The following FBXO11 variants were observed in gnomAD, a reference collection of about 807,000 sequenced individuals.
FBXO11 encodes F-box protein 11.
A neutral mutation model predicts 117.0 loss-of-function variants in FBXO11; 13 were observed. The observed-to-expected ratio is 0.11, with a 90% CI of 0.07 to 0.18. The LOEUF (loss-of-function observed/expected upper bound fraction) is 0.18, where lower values mean the gene tolerates loss of function less well. Among genes scored for constraint, FBXO11 ranks in the 10% least tolerant of loss-of-function variants. The probability of loss-of-function intolerance (pLI) is 1.00; values close to 1 mark genes in which losing one functional copy is unlikely to be tolerated. For synonymous variants in FBXO11, 490 were observed against 380.5 expected (o/e 1.29, Z -3.35); for missense variants, 767 against 1,164.4 (o/e 0.66, Z 4.97).
chr2:47,834,320 A>T (rs1672400614), intron 7 of FBXO11, among the ~76,000 whole-genome samples: 1 of 152,228 alleles, frequency 6.6e-6, no homozygotes, highest in Non-Finnish European at 1.5e-5. Flanking sequence ...ACTGCACTCT[A>T]GCCTGAGTGA....
At chr2:47,826,240 G>T (rs548516504) in intron 11 of FBXO11, among the ~76,000 whole-genome samples, 77 of 151,956 alleles carry the variant, frequency 5.1e-4, no homozygotes, top group African/African-American at 1.7e-3. Context: ...TGTATTTTTA[G>T]TAGAGACAGG....
chr2:47,891,734 C>A (rs1286666741), intron 1 of FBXO11, among the ~76,000 whole-genome samples: 1 of 152,164 alleles, frequency 6.6e-6, no homozygotes, highest in Non-Finnish European at 1.5e-5. Flanking sequence ...TGCATTTCTA[C>A]CAACAGTGTA....
At chr2:47,808,484 C>T (rs567295575) in intron 21 of FBXO11, 57 bp from the exon 22 acceptor site, 2 of 1,439,474 alleles carry the variant, frequency 1.4e-6, no homozygotes, top group African/African-American at 1.4e-5. Flanking sequence ...GCAAAACATT[C>T]CATTCTGTTT....
Position 47,825,330 on chromosome 2 carries a change from A to G in FBXO11, c.1399-1970T>C, listed in dbSNP as rs954977106. Among the ~76,000 whole-genome samples the G allele has an allele frequency of 3.9e-5, 6 of 152,276 alleles. No individual in the cohort carries two copies. In the East Asian group the frequency reaches 1.2e-3, roughly 29 times the overall value. ...TATAAAAGATAGCGTCTTCAAATAT[A>G]AAACTTTTTCTTTGATTTTATACAG... is the stretch of plus-strand genomic sequence containing the variant. On this transcript the variant is annotated intron_variant, in intron 11 of 22. Coordinates refer to ENST00000403359, the MANE Select transcript of FBXO11 (RefSeq NM_001190274.2).
In FBXO11 at chr2:47,879,616, C is replaced by T. The variant is rs894041566; in HGVS notation, c.232+25873G>A. On this transcript the variant is annotated intron_variant, in intron 1 of 22. Coordinates refer to ENST00000403359, the MANE Select transcript of FBXO11 (RefSeq NM_001190274.2). ...CAAGATCTTTTTGTTATCAAGTTTCCAAGTACTTACTGCATGTATATCAGG... is the reference window on the plus strand; with the variant it reads ...CAAGATCTTTTTGTTATCAAGTTTCTAAGTACTTACTGCATGTATATCAGG... Among the ~76,000 whole-genome samples, 6 of 152,112 alleles carry T rather than the reference C, an allele frequency of 3.9e-5. No homozygotes were observed. In the South Asian group the frequency reaches 1.2e-3, roughly 32 times the overall value.
At chr2:47,866,088 AC>A (rs1675171340) in intron 1 of FBXO11, among the ~76,000 whole-genome samples, 1 of 151,758 alleles carries the variant, frequency 6.6e-6, no homozygotes, top group African/African-American at 2.4e-5. Context: ...TCCCATCTCT[AC>A]CGAAAAAAAA....
At chr2:47,813,128 G>A (rs1670741170) in intron 18 of FBXO11, 106 bp downstream of exon 18, 2 of 1,142,012 alleles carry the variant, frequency 1.8e-6, no homozygotes, top group Non-Finnish European at 2.7e-6. Flanking sequence ...AAAAAGACTT[G>A]AGATTCACTC....
intron 13 of FBXO11, 71 bp from the exon 14 acceptor site, chr2:47,820,527 G>C: frequency 1.7e-6 from 2 of 1,173,232 alleles, no homozygotes; most frequent in Non-Finnish European, 2.5e-6. Context: ...TTTACATTAG[G>C]TAGTGGTTAA....
intron 1 of FBXO11, among the ~76,000 whole-genome samples, chr2:47,865,046 T>C (rs1289620293): frequency 2.0e-5 from 3 of 152,208 alleles, no homozygotes; most frequent in Non-Finnish European, 4.4e-5. Flanking sequence ...CTGAACTGTT[T>C]CCTGTTTCCA....
chr2:47,835,921 G>C lies in FBXO11; in HGVS notation c.668C>G (p.Pro223Arg). 6.2e-7 allele frequency: 1 copy of C among 1,611,294 alleles called. No individual in the cohort carries two copies. Among genetic ancestry groups the C allele is most frequent in the Non-Finnish European group, 8.5e-7 (1 of 1,177,754 alleles). The change falls in exon 5 of 23, where the codon CCA (proline) becomes CGA (arginine). Residue 223 changes from proline (P) to arginine (R), a missense_variant. Pro to Arg is a moderately radical substitution (Grantham distance 103, BLOSUM62 -2). Around this residue, in one of 10 missense-constraint regions of FBXO11, gnomAD observed 355 missense variants for 299.8 expected, o/e 1.18. Transcript: ENST00000403359. ...PEPGKFYQIN[P>R]EEYEHPNPWK... ...GGGATTTGGATGTTCATACTCTTCTGGATTAATCTGGTAGAATTTTCCAGG... is the reference window on the plus strand; with the variant it reads ...GGGATTTGGATGTTCATACTCTTCTCGATTAATCTGGTAGAATTTTCCAGG...
intron 1 of FBXO11, among the ~76,000 whole-genome samples, chr2:47,840,573 C>A (rs1672940590): frequency 6.6e-6 from 1 of 150,608 alleles, no homozygotes; most frequent in Non-Finnish European, 1.5e-5. Flanking sequence ...GCCTCAGTAT[C>A]CCAAGCAGCT....
intron 1 of FBXO11, among the ~76,000 whole-genome samples, chr2:47,880,726 T>C (rs1311814592): frequency 2.0e-5 from 3 of 152,194 alleles, no homozygotes; most frequent in African/African-American, 2.4e-5. Flanking sequence ...TGCCACTCTT[T>C]ATTGTTTTTT....
chr2:47,877,567 A>C (rs1348937622), intron 1 of FBXO11, among the ~76,000 whole-genome samples: 1 of 152,088 alleles, frequency 6.6e-6, no homozygotes, highest in African/African-American at 2.4e-5. Flanking sequence ...TGGCAGGTTC[A>C]TTGTAACTCT....
At chr2:47,875,643 C>T (rs1296863086) in intron 1 of FBXO11, among the ~76,000 whole-genome samples, 2 of 151,966 alleles carry the variant, frequency 1.3e-5, no homozygotes, top group African/African-American at 4.8e-5. Context: ...CTAATGGACT[C>T]ATATGGTAAC....
intron 4 of FBXO11, among the ~76,000 whole-genome samples, chr2:47,838,033 CTGAG>C (rs1030508787): frequency 4.2e-5 from 6 of 143,272 alleles, no homozygotes; most frequent in African/African-American, 1.6e-4. Context: ...CAAGATCAGA[CTGAG>C]TAACAGAGTG....
chr2:47,882,596 A>G lies in FBXO11; in HGVS notation c.232+22893T>C, dbSNP rs183741998. Reference sequence around the variant, plus strand: ...ATTTTTTAAAATCCCTGTGTCTCTTATTATGTTTTCCTTGGGGCTAGTCTG... The same window carrying G: ...ATTTTTTAAAATCCCTGTGTCTCTTGTTATGTTTTCCTTGGGGCTAGTCTG... On this transcript the variant is annotated intron_variant, in intron 1 of 22. Transcript: ENST00000403359. Among the ~76,000 whole-genome samples, 563 of 152,174 alleles carry G rather than the reference A, an allele frequency of 3.7e-3. 2 individuals are homozygous for G. Among genetic ancestry groups the G allele is most frequent in the South Asian group, 0.015 (71 of 4,824 alleles).
intron 1 of FBXO11, among the ~76,000 whole-genome samples, chr2:47,900,673 T>G (rs28625843): frequency 2.8e-5 from 1 of 35,788 alleles, no homozygotes; most frequent in Admixed American, 2.0e-4. Flanking sequence ...CGTACGTATA[T>G]ACACACGTAT....
intron 1 of FBXO11, among the ~76,000 whole-genome samples, chr2:47,865,120 A>T (rs900095156): frequency 6.6e-6 from 1 of 152,242 alleles, no homozygotes; most frequent in African/African-American, 2.4e-5. Context: ...GCAGGTAATA[A>T]GTGCTCAATA....
chr2:47,858,130 G>A (rs1674458106), intron 1 of FBXO11, among the ~76,000 whole-genome samples: 1 of 151,816 alleles, frequency 6.6e-6, no homozygotes, highest in South Asian at 2.1e-4. Flanking sequence ...TTTTGAGGCG[G>A]AGCCTCACTC....
Sources: allele counts gnomAD v4.1 joint callset (sites outside exome capture counted in the v4.1 genomes callset), GRCh38; gene constraint gnomAD v4.1.1; regional missense constraint gnomAD v4.1.1; transcripts MANE v1.5; gene names NCBI Gene and HGNC (gene_info 2026-07-23, HGNC 2026-07-21).